Variants in CELSR1 observed in about 807,000 individuals in gnomAD.
The protein encoded by CELSR1 is adhesion G protein-coupled receptor C1.
A neutral mutation model predicts 249.1 loss-of-function variants in CELSR1; 110 were observed. The ratio of observed to expected loss-of-function variants is 0.44; its 90% CI spans 0.38 to 0.52. The LOEUF (loss-of-function observed/expected upper bound fraction) is 0.52, where lower values mean the gene tolerates loss of function less well. Among genes scored for constraint, CELSR1 ranks in the 20% least tolerant of loss-of-function variants. The pLI, the probability that CELSR1 is intolerant of heterozygous loss-of-function variation, is 0.00. For synonymous variants in CELSR1, 2,113 were observed against 1,900.0 expected, an observed-to-expected ratio of 1.11 and a Z score of -2.92; for missense variants, 4,109 against 4,296.4, an observed-to-expected ratio of 0.96 and a Z score of 1.22.
chr22:46,369,457 C>T (rs1337153382), intron 26 of CELSR1, among the ~76,000 whole-genome samples, 199 bp from the exon 27 acceptor site: 1 of 152,230 alleles, frequency 6.6e-6, no homozygotes, highest in Non-Finnish European at 1.5e-5. Context: ...CTGTGCGGGA[C>T]CCTCCTGGGT....
chr22:46,514,140 T>C (rs1328253733), intron 1 of CELSR1, among the ~76,000 whole-genome samples: 28 of 152,122 alleles, frequency 1.8e-4, no homozygotes, highest in Non-Finnish European at 2.9e-5. Flanking sequence ...TCTACACTTT[T>C]CTCACATCCC....
Position 46,398,757 on chromosome 22 carries a change from G to T in CELSR1, c.5413-120C>A. On this transcript the variant is annotated intron_variant, in intron 10 of 34. Transcript: ENST00000674500. This position sits in a 1 kb window ranked among gnomAD's most constrained non-coding sequence, Gnocchi z 7.2. ...CACTTCAACAAACTCCGCAGAGCCT[G>T]AGGACATCTGGGCCTCCAAAGAGAG... The T allele has an allele frequency of 1.4e-6, 1 of 718,750 alleles. No homozygotes were observed. Among genetic ancestry groups the T allele is most frequent in the African/African-American group, 1.8e-5 (1 of 55,232 alleles). 44.5% of individuals were successfully genotyped at this position (718,750 alleles called of 1,614,324 possible). A position where few individuals can be genotyped will look rare whatever the true frequency, so the allele number is the denominator to read the frequency against.
chr22:46,443,467 A>G (rs1221260663), intron 2 of CELSR1, among the ~76,000 whole-genome samples: 1 of 152,124 alleles, frequency 6.6e-6, no homozygotes, highest in African/African-American at 2.4e-5. Flanking sequence ...GGCTCCCAGC[A>G]CCCCTGGAGG....
At position 46,429,455 on chromosome 22, in the gene CELSR1, T is replaced by TA. The variant is rs561445679; in HGVS notation, c.4611+3937_4611+3938insT. ...GTGGGCGTGGGGGCTGTGTTGTTCA[T>TA]CTGTGCTTGGCGGAGCGCCACACAA... is the stretch of plus-strand genomic sequence containing the variant. On this transcript the variant is annotated intron_variant, in intron 5 of 34. Transcript: ENST00000674500. The surrounding 1 kb of genome is among the most constrained non-coding windows in gnomAD (Gnocchi z 4.1). 3.0e-4 allele frequency among the ~76,000 whole-genome samples: 46 copies of TA among 152,354 alleles called. 2 individuals carry two copies. The East Asian group carries it at 8.3e-3, about 27-fold the overall frequency.
chr22:46,527,808 G>C lies in CELSR1; in HGVS notation c.3544+5819C>G, dbSNP rs1412295422. On this transcript the variant is annotated intron_variant, in intron 1 of 34. Transcript: ENST00000674500. The surrounding 1 kb of genome is among the most constrained non-coding windows in gnomAD (Gnocchi z 5.5). ...CCACTGAAGCAATTTAAGATGGTCC[G>C]ACCCAGGCTGGGAGCGGTGGCTCAC... is the stretch of plus-strand genomic sequence containing the variant. 6.6e-6 allele frequency among the ~76,000 whole-genome samples: 1 copy of C among 152,172 alleles called. No individual in the cohort carries two copies. The highest frequency in any genetic ancestry group is 1.5e-5 in the Non-Finnish European group (1 of 68,032).
chr22:46,458,169 G>C (rs960155169), intron 2 of CELSR1, among the ~76,000 whole-genome samples: 1 of 152,198 alleles, frequency 6.6e-6, no homozygotes. Context: ...TGCGCTGGAG[G>C]GGCAAGCACC....
At chr22:46,475,093 C>T (rs996896302) in intron 1 of CELSR1, among the ~76,000 whole-genome samples, 1 of 152,146 alleles carries the variant, frequency 6.6e-6, no homozygotes, top group Non-Finnish European at 1.5e-5. Context: ...CACACTTATT[C>T]ACTTAACATC....
At chr22:46,405,189 A>G (rs1431501106) in intron 9 of CELSR1, among the ~76,000 whole-genome samples, 1 of 150,512 alleles carries the variant, frequency 6.6e-6, no homozygotes, top group African/African-American at 2.4e-5. Flanking sequence ...GGCCGTGCAC[A>G]GTGGCTCGTG....
intron 20 of CELSR1, among the ~76,000 whole-genome samples, chr22:46,383,468 T>C (rs532240482): frequency 2.6e-5 from 4 of 152,208 alleles, no homozygotes; most frequent in Non-Finnish European, 5.9e-5. Flanking sequence ...CTGGCTTTTT[T>C]GTTGTTGTTT....
rs376651232 is a variant in CELSR1 at position 46,369,488 on chromosome 22, T to C, written c.7872+204A>G. ...TGGGTGCTGGACGCAGATGGTCTCA[T>C]GCGGACACGACGCGAGACCTGAATC... is the stretch of plus-strand genomic sequence containing the variant. On this transcript the variant is annotated intron_variant, in intron 26 of 34. Transcript: ENST00000674500. Among the ~76,000 whole-genome samples the C allele has an allele frequency of 2.0e-5, 3 of 152,276 alleles. No individual in the cohort carries two copies. The East Asian group carries it at 5.8e-4, about 30-fold the overall frequency.
At chr22:46,525,580 G>T (rs1421630749) in intron 1 of CELSR1, among the ~76,000 whole-genome samples, 1 of 152,110 alleles carries the variant, frequency 6.6e-6, no homozygotes, top group African/African-American at 2.4e-5. Context: ...ATTAGAAAAC[G>T]ATTTCCCCCA....
chr22:46,483,333 C>T (rs1288875443), intron 1 of CELSR1, among the ~76,000 whole-genome samples: 10 of 150,742 alleles, frequency 6.6e-5, no homozygotes, highest in South Asian at 6.3e-4. Context: ...GTGTCTAGGG[C>T]GCAGTCCTCA....
At chr22:46,470,675 C>CTTAA (rs1229998035) in intron 1 of CELSR1, among the ~76,000 whole-genome samples, 2 of 152,104 alleles carry the variant, frequency 1.3e-5, no homozygotes, top group Non-Finnish European at 2.9e-5. Context: ...CAACCTGCAG[C>CTTAA]TTAAGCCTTC....
At chr22:46,522,017 GT>G (rs1192939773) in intron 1 of CELSR1, among the ~76,000 whole-genome samples, 5 of 152,106 alleles carry the variant, frequency 3.3e-5, no homozygotes, top group Non-Finnish European at 7.3e-5. Flanking sequence ...TGTTTTCTGA[GT>G]TTTTTTGACC....
intron 1 of CELSR1, among the ~76,000 whole-genome samples, chr22:46,516,322 C>G (rs555292728): frequency 6.6e-6 from 1 of 152,078 alleles, no homozygotes; most frequent in Non-Finnish European, 1.5e-5. Context: ...ATGGATGAAG[C>G]TGGAAACCAT....
chr22:46,454,091 G>A lies in CELSR1; in HGVS notation c.4183+9616C>T, dbSNP rs910401462. Among the ~76,000 whole-genome samples, 6 of 152,170 alleles carry A rather than the reference G, an allele frequency of 3.9e-5. No homozygotes were observed. The highest frequency in any genetic ancestry group is 1.4e-4 in the African/African-American group (6 of 41,440). On this transcript the variant is annotated intron_variant, in intron 2 of 34. Coordinates refer to ENST00000674500, the MANE Select transcript of CELSR1 (RefSeq NM_001378328.1). This position sits in a 1 kb window ranked among gnomAD's most constrained non-coding sequence, Gnocchi z 5.1. ...AGTCATCACAAGGCTCCTTGTAAGC[G>A]GTGGGAGGGTGAGGGGCAGAAGGTG...
chr22:46,476,595 CAA>C (rs35183117), intron 1 of CELSR1, among the ~76,000 whole-genome samples: 242 of 107,790 alleles, frequency 2.2e-3, no homozygotes, highest in South Asian at 6.2e-3. Flanking sequence ...GACTCCGTCT[CAA>C]AAAAAAAAAA....
chr22:46,534,133 G>A lies in CELSR1; in HGVS notation c.3038C>T (p.Pro1013Leu). Reference sequence around the variant, plus strand: ...AATCTTTGCCACCACCGACCCCACTGGGTTGTTCTCCTCAACAAACAGCTC... The same window carrying A: ...AATCTTTGCCACCACCGACCCCACTAGGTTGTTCTCCTCAACAAACAGCTC... The part of the protein sequence containing the change: ...ELELFVEENN[P>L]VGSVVAKIRA... Residue 1013 changes from proline (P) to leucine (L), a missense_variant, in exon 1 of 35, where the codon CCA becomes CTA. Around this residue, in one of 7 missense-constraint regions of CELSR1, gnomAD observed 886 missense variants for 896.5 expected, o/e 0.99. Coordinates refer to ENST00000674500, the MANE Select transcript of CELSR1 (RefSeq NM_001378328.1). This position sits in a 1 kb window ranked among gnomAD's most constrained non-coding sequence, Gnocchi z 9.7. The A allele has an allele frequency of 6.2e-7, 1 of 1,613,786 alleles. No homozygotes were observed. Among genetic ancestry groups the A allele is most frequent in the Non-Finnish European group, 8.5e-7 (1 of 1,180,040 alleles).
Position 46,434,812 on chromosome 22 carries a change from C to T in CELSR1, c.4523-1331G>A, listed in dbSNP as rs1376359926. ...AGGAGTTCAAGACCAGCCTGGCCAA[C>T]ACAGTGAAACCCTGTCTCTACTAAA... On this transcript the variant is annotated intron_variant, in intron 4 of 34. Coordinates refer to ENST00000674500, the MANE Select transcript of CELSR1 (RefSeq NM_001378328.1). The surrounding 1 kb of genome is among the most constrained non-coding windows in gnomAD (Gnocchi z 4.9). 6.6e-6 allele frequency among the ~76,000 whole-genome samples: 1 copy of T among 152,042 alleles called. No individual in the cohort carries two copies. Among genetic ancestry groups the T allele is most frequent in the East Asian group, 1.9e-4 (1 of 5,176 alleles).
Sources: gnomAD v4.1 joint callset for allele counts (sites outside exome capture counted in the v4.1 genomes callset) on GRCh38, gnomAD v4.1.1 for gene constraint, gnomAD v4.1.1 regional missense constraint, Gnocchi (gnomAD v3.1) non-coding constraint, MANE v1.5 for transcripts, NCBI Gene and HGNC (gene_info 2026-07-23, HGNC 2026-07-21) for gene names.